Variants in COG5 observed in about 807,000 individuals in gnomAD.
The protein encoded by COG5 is conserved oligomeric Golgi complex subunit 5.
In COG5, 86 loss-of-function variants were observed where a neutral mutation model predicts 110.4. That is an observed-to-expected ratio of 0.78 (90% CI 0.65 to 0.93). COG5 has a LOEUF of 0.93. Ranked by LOEUF, COG5 falls within the 40% of genes least tolerant of loss-of-function variation. The probability of loss-of-function intolerance (pLI) is 0.00; values close to 1 mark genes in which losing one functional copy is unlikely to be tolerated. For missense variants in COG5, 1,077 were observed against 987.0 expected, an observed-to-expected ratio of 1.09 and a Z score of -1.22; for synonymous variants, 360 against 334.6, an observed-to-expected ratio of 1.08 and a Z score of -0.83.
rs542989397 is a variant in COG5 at position 107,507,566 on chromosome 7, C to G, written c.538+19671G>C. 7.9e-5 allele frequency among the ~76,000 whole-genome samples: 12 copies of G among 151,332 alleles called. No homozygotes were observed. In the South Asian group the frequency reaches 2.5e-3, roughly 32 times the overall value. On this transcript the variant is annotated intron_variant, in intron 6 of 21. Coordinates refer to ENST00000297135, the MANE Select transcript of COG5 (RefSeq NM_006348.5). Reference sequence around the variant, plus strand: ...TCGTGATCCACCCGCCTCAGCCTCCCGAAGTGCTGGATTACAGGCATGAAC... The same window carrying G: ...TCGTGATCCACCCGCCTCAGCCTCCGGAAGTGCTGGATTACAGGCATGAAC...
chr7:107,541,496 CAAAAAAAAAAAAAA>C (rs869244428), intron 5 of COG5, among the ~76,000 whole-genome samples: 1 of 31,964 alleles, frequency 3.1e-5, no homozygotes, highest in Admixed American at 6.1e-4. Context: ...GACCCTGTCT[CAAAAAAAAAAAAAA>C]AAAAAAAAAA....
At chr7:107,313,978 C>A (rs143680003) in intron 11 of COG5, among the ~76,000 whole-genome samples, 241 of 152,140 alleles carry the variant, frequency 1.6e-3, no homozygotes, top group African/African-American at 5.5e-3. Context: ...TAAAGTAGCA[C>A]AAAATGGGAA....
chr7:107,426,434 C>G (rs952472700), intron 6 of COG5, among the ~76,000 whole-genome samples: 2 of 152,104 alleles, frequency 1.3e-5, no homozygotes, highest in African/African-American at 4.8e-5. Context: ...AACTGGGTGG[C>G]TTATAAACAA....
intron 10 of COG5, among the ~76,000 whole-genome samples, chr7:107,335,388 TC>T (rs1159805215): frequency 2.0e-5 from 3 of 152,100 alleles, no homozygotes; most frequent in African/African-American, 7.2e-5. Context: ...AGACTTCATC[TC>T]AAAAAGTAAT....
At chr7:107,371,988 C>T (rs548229361) in intron 8 of COG5, among the ~76,000 whole-genome samples, 7 of 152,214 alleles carry the variant, frequency 4.6e-5, no homozygotes, top group African/African-American at 9.6e-5. Context: ...TCTTCTTTTA[C>T]GGAGAACTGT....
intron 11 of COG5, among the ~76,000 whole-genome samples, chr7:107,323,876 G>T (rs545053286): frequency 6.6e-6 from 1 of 152,212 alleles, no homozygotes; most frequent in African/African-American, 2.4e-5. Context: ...AAACACACGC[G>T]TAAGATATTA....
At chr7:107,540,686 G>T (rs1043701286) in intron 5 of COG5, among the ~76,000 whole-genome samples, 1 of 148,190 alleles carries the variant, frequency 6.7e-6, no homozygotes, top group Non-Finnish European at 1.5e-5. Flanking sequence ...TTATTTAAAA[G>T]AAATTTTAAA....
At chr7:107,265,891 C>CA (rs1281619856) in intron 14 of COG5, among the ~76,000 whole-genome samples, 2 of 151,844 alleles carry the variant, frequency 1.3e-5, no homozygotes, top group African/African-American at 4.8e-5. Flanking sequence ...CCTGTCTCTA[C>CA]AAAAAATGAA....
chr7:107,253,779 C>A (rs1014759106), intron 16 of COG5, among the ~76,000 whole-genome samples: 4 of 152,154 alleles, frequency 2.6e-5, no homozygotes, highest in African/African-American at 9.7e-5. Context: ...GGCCTCCTGG[C>A]TGTTCTGTGA....
At chr7:107,289,338 C>T (rs1805963987) in intron 12 of COG5, among the ~76,000 whole-genome samples, 2 of 151,504 alleles carry the variant, frequency 1.3e-5, no homozygotes, top group Admixed American at 6.6e-5. Context: ...TACAGGTTTC[C>T]TTCTATACTC....
At chr7:107,264,717 G>A (rs116509054) in intron 14 of COG5, among the ~76,000 whole-genome samples, 2,232 of 151,862 alleles carry the variant, frequency 0.015, 52 homozygotes, top group African/African-American at 0.052. Context: ...AACCAAAAAC[G>A]AACCCCAGAA....
chr7:107,385,204 G>A (rs959665637), intron 7 of COG5, among the ~76,000 whole-genome samples: 1 of 152,208 alleles, frequency 6.6e-6, no homozygotes, highest in Admixed American at 6.5e-5. Context: ...CCAGGATTGA[G>A]ATTGATGGGA....
intron 12 of COG5, among the ~76,000 whole-genome samples, chr7:107,294,248 A>T (rs1806409574): frequency 6.6e-6 from 1 of 152,190 alleles, no homozygotes; most frequent in Admixed American, 6.5e-5. Context: ...TTAACCAGTC[A>T]GTCTTCCATT....
At chr7:107,203,697 C>A in intron 21 of COG5, 67 bp from the exon 22 acceptor site, 1 of 997,632 alleles carries the variant, frequency 1.0e-6, no homozygotes, top group Non-Finnish European at 1.6e-6. Flanking sequence ...AAGGGGATAC[C>A]AATATATAAA....
At chr7:107,299,826 C>CATATAT (rs71856513) in intron 11 of COG5, among the ~76,000 whole-genome samples, 3,853 of 102,924 alleles carry the variant, frequency 0.037, 107 homozygotes, top group East Asian at 0.062. Flanking sequence ...TCATAGTTGG[C>CATATAT]ATATATATAT....
intron 6 of COG5, among the ~76,000 whole-genome samples, chr7:107,517,725 T>G (rs1442179471): frequency 6.9e-6 from 1 of 145,026 alleles, no homozygotes; most frequent in Non-Finnish European, 1.5e-5. Context: ...TGTGATGGAG[T>G]CTCACTCTGT....
Position 107,256,933 on chromosome 7 carries a change from A to C in COG5, c.1687-139T>G, listed in dbSNP as rs950059369. ...ATTGCTTTACAGTAATATCTTATAC[A>C]TGATTTTAAAAATCAGTATTTATTA... On this transcript the variant is annotated intron_variant, in intron 15 of 21. Coordinates refer to ENST00000297135, the MANE Select transcript of COG5 (RefSeq NM_006348.5). 4.6e-6 allele frequency: 3 copies of C among 654,008 alleles called. No homozygotes were observed. Among genetic ancestry groups the C allele is most frequent in the African/African-American group, 3.7e-5 (2 of 54,666 alleles). The allele number at this position is 654,008 out of a possible 1,614,324, so 40.5% of individuals were successfully genotyped here. A position where few individuals can be genotyped will look rare whatever the true frequency, so the allele number is the denominator to read the frequency against.
intron 7 of COG5, among the ~76,000 whole-genome samples, chr7:107,378,387 C>T (rs1273975937): frequency 4.6e-5 from 7 of 152,060 alleles, no homozygotes; most frequent in African/African-American, 1.7e-4. Flanking sequence ...CACAACTCCT[C>T]GCCAGCAACG....
intron 11 of COG5, among the ~76,000 whole-genome samples, chr7:107,321,728 A>G (rs1402230681): frequency 6.6e-6 from 1 of 152,230 alleles, no homozygotes. Flanking sequence ...GATAACTCAT[A>G]ACATACACGA....
Sources: allele counts gnomAD v4.1 joint callset (sites outside exome capture counted in the v4.1 genomes callset), GRCh38; gene constraint gnomAD v4.1.1; transcripts MANE v1.5; gene names NCBI Gene and HGNC (gene_info 2026-07-23, HGNC 2026-07-21).